The following CDC25B variants were observed in gnomAD, a reference collection of about 807,000 sequenced individuals.
CDC25B encodes the protein M-phase inducer phosphatase 2.
In CDC25B, 33 loss-of-function variants were observed where a neutral mutation model predicts 69.8. The ratio of observed to expected loss-of-function variants is 0.47; its 90% CI spans 0.36 to 0.63. The LOEUF is 0.63. Among genes scored for constraint, CDC25B ranks in the 30% least tolerant of loss-of-function variants. The pLI is 0.00. For missense variants in CDC25B, 727 were observed against 809.1 expected (o/e 0.90, Z 1.23); for synonymous variants, 341 against 314.6 (o/e 1.08, Z -0.89).
At chr20:3,798,496 A>T in intron 3 of CDC25B, 33 bp downstream of exon 3, 1 of 1,512,688 alleles carries the variant, frequency 6.6e-7, no homozygotes, top group Non-Finnish European at 9.0e-7. Flanking sequence ...ACTTCCAAGC[A>T]TTCAGCACCT....
intron 15 of CDC25B, 30 bp downstream of exon 15, chr20:3,804,710 T>C: frequency 6.3e-7 from 1 of 1,575,926 alleles, no homozygotes; most frequent in South Asian, 1.1e-5. Context: ...CCACAGTCTC[T>C]GTGTGAGGGT....
Position 3,800,274 on chromosome 20 carries a change from C to T in CDC25B, c.381-14C>T, listed in dbSNP as rs888913319. On this transcript the variant is annotated splice_polypyrimidine_tract_variant and intron_variant, in intron 3 of 15. Transcript: ENST00000245960. ...GAGGGAGCATGGGTTGCATGGGACC[C>T]TTCTCTGTCCTAGGTTTGAACAGGC... The T allele has an allele frequency of 1.2e-6, 2 of 1,613,668 alleles. No homozygotes were observed. Among genetic ancestry groups the T allele is most frequent in the African/African-American group, 1.3e-5 (1 of 74,826 alleles).
At chr20:3,793,670 A>G (rs1324211391), upstream of CDC25B, among the ~76,000 whole-genome samples, 2 of 149,458 alleles carry the variant, frequency 1.3e-5, no homozygotes, top group African/African-American at 4.9e-5. Context: ...ACATATGTAT[A>G]CATGTGCCAT....
Position 3,803,045 on chromosome 20 carries a change from G to C in CDC25B, c.1258-63G>C, listed in dbSNP as rs2089341744. The C allele has an allele frequency of 2.5e-6, 4 of 1,594,664 alleles. No homozygotes were observed. The South Asian group carries it at 4.4e-5, about 18-fold the overall frequency. On this transcript the variant is annotated intron_variant, in intron 12 of 15. Transcript: ENST00000245960. The surrounding 1 kb of genome is among the most constrained non-coding windows in gnomAD (Gnocchi z 4.9). ...CATTGTTGACCTTCCCTGGGGACAGGCTAGGGCCACCTGCCAGCTGCCAGC... is the reference window on the plus strand; with the variant it reads ...CATTGTTGACCTTCCCTGGGGACAGCCTAGGGCCACCTGCCAGCTGCCAGC...
chr20:3,804,595 G>T lies in CDC25B; in HGVS notation c.1517G>T (p.Arg506Leu). 1 of 1,613,912 alleles carries T rather than the reference G, an allele frequency of 6.2e-7. No homozygotes were observed. Among genetic ancestry groups the T allele is most frequent in the Non-Finnish European group, 8.5e-7 (1 of 1,179,820 alleles). The change falls in exon 15 of 16, where the codon CGT (arginine) becomes CTT (leucine). Residue 506 changes from arginine (R) to leucine (L), a missense_variant. Arg to Leu is a moderately radical substitution (Grantham distance 102). Around this residue, in one of 2 missense-constraint regions of CDC25B, gnomAD observed 359 missense variants for 463.4 expected, o/e 0.77. Transcript: ENST00000245960. ...RMCRFIRERD[R>L]AVNDYPSLYY... is the part of the protein sequence containing the mutation. ...TGCCGTTTCATCAGGGAACGAGACC[G>T]TGCTGTCAACGACTACCCCAGCCTC... is the stretch of plus-strand genomic sequence containing the variant.
rs748642598 is a variant in CDC25B, at chr20:3,803,217, G to T, written c.1356+11G>T. The T allele has an allele frequency of 1.9e-5, 31 of 1,601,038 alleles. No individual in the cohort carries two copies. The highest frequency in any genetic ancestry group is 2.5e-5 in the Non-Finnish European group (29 of 1,168,676). The stretch of plus-strand genomic sequence containing the variant: ...GGCGGGCACATCAAGGTAAGATGGG[G>T]CAATGGGGAGAGGCCCTGAAGATCC... On this transcript the variant is annotated intron_variant, in intron 13 of 15. Transcript: ENST00000245960. This position sits in a 1 kb window ranked among gnomAD's most constrained non-coding sequence, Gnocchi z 4.9.
intron 1 of CDC25B, among the ~76,000 whole-genome samples, chr20:3,789,406 G>A (rs12479553): frequency 0.58 from 88,785 of 151,808 alleles, 27,580 homozygotes; most frequent in African/African-American, 0.81. Context: ...GTCTCACTGT[G>A]TTGCCCAGGC....
chr20:3,790,780 G>A (rs1252782960), intron 1 of CDC25B, among the ~76,000 whole-genome samples: 4 of 151,932 alleles, frequency 2.6e-5, no homozygotes, highest in Non-Finnish European at 5.9e-5. Flanking sequence ...ATATTGGCCA[G>A]GCTGGTCTCA....
chr20:3,801,730 T>C lies in CDC25B; in HGVS notation c.849T>C (p.Asp283=). The C allele has an allele frequency of 6.2e-6, 10 of 1,601,644 alleles. No individual in the cohort carries two copies. The highest frequency in any genetic ancestry group is 8.5e-6 in the Non-Finnish European group (10 of 1,174,774). Residue 283 remains aspartate, a synonymous_variant, in exon 9 of 16, where the codon GAT becomes GAC. Transcript: ENST00000245960. ...DILESDLKDD[D]AVPPGMESLI... is the part of the protein sequence containing the mutation. ...TGCTAATCTGGCCTCAGGATGATGA[T>C]GCAGTTCCCCCAGGCATGGAGAGTC...
At chr20:3,788,663 A>G (rs2088864861) in intron 1 of CDC25B, among the ~76,000 whole-genome samples, 1 of 152,188 alleles carries the variant, frequency 6.6e-6, no homozygotes. Context: ...GTCACTGGGC[A>G]AAAATGAATC....
Position 3,797,683 on chromosome 20 carries a change from C to A in CDC25B, c.262C>A (p.Leu88Ile). ...CCGCAGCCGCAGCCGCCTGACGCAC[C>A]TATCCCTGTCTCGACGGGCATCCGA... is the stretch of plus-strand genomic sequence containing the variant. Reference protein sequence around the residue: ...LFRSRSRLTHLSLSRRASESS... With the variant: ...LFRSRSRLTHISLSRRASESS... The change falls in exon 2 of 16, where the codon CTA becomes ATA. Residue 88 changes from leucine (L) to isoleucine (I), a missense_variant. Leu to Ile is a conservative substitution (Grantham distance 5). Transcript: ENST00000245960. 6.2e-7 allele frequency: 1 copy of A among 1,614,198 alleles called. No individual in the cohort carries two copies. Among genetic ancestry groups the A allele is most frequent in the South Asian group, 1.1e-5 (1 of 91,090 alleles).
intron 3 of CDC25B, among the ~76,000 whole-genome samples, chr20:3,799,523 T>TGTGTGTGC (rs1555774239): frequency 1.8e-5 from 1 of 56,872 alleles, no homozygotes; most frequent in Non-Finnish European, 3.6e-5. Context: ...TGTGTGTGTG[T>TGTGTGTGC]GTGCGCGCGC....
chr20:3,802,350 C>T lies in CDC25B; in HGVS notation c.1168C>T (p.Arg390Ter), dbSNP rs138180783. ...EIENLLDSDH[R>*]ELIGDYSKAF... ...CGAGAACCTCCTGGACAGTGACCAC[C>T]GAGAGCTGATTGGAGATTACTCTAA... Residue 390 changes from arginine to a stop codon, truncating the protein, a stop_gained, in exon 11 of 16, where the codon CGA becomes TGA. Transcript: ENST00000245960. LOFTEE classifies it high-confidence loss of function. 5.6e-6 allele frequency: 9 copies of T among 1,607,434 alleles called. No individual in the cohort carries two copies. Among genetic ancestry groups the T allele is most frequent in the Non-Finnish European group, 7.6e-6 (9 of 1,179,670 alleles).
At chr20:3,798,670 C>G (rs1280411038) in intron 3 of CDC25B, among the ~76,000 whole-genome samples, 1 of 152,174 alleles carries the variant, frequency 6.6e-6, no homozygotes, top group Non-Finnish European at 1.5e-5. Flanking sequence ...CTCATGGGAG[C>G]CAACCGAGTG....
chr20:3,798,156 C>G (rs901977852), intron 2 of CDC25B, among the ~76,000 whole-genome samples: 4 of 152,128 alleles, frequency 2.6e-5, no homozygotes, highest in African/African-American at 9.7e-5. Flanking sequence ...AAGAAAAATG[C>G]TTAGTGAGCA....
At position 3,805,905 on chromosome 20, in the gene CDC25B, A is replaced by G. The variant is rs1006386421; in HGVS notation, c.*944A>G. 4.2e-5 allele frequency: 17 copies of G among 403,314 alleles called. No homozygotes were observed. The highest frequency in any genetic ancestry group is 7.5e-5 in the Non-Finnish European group (17 of 227,706). The allele number at this position is 403,314 out of a possible 1,614,324, so 25.0% of individuals were successfully genotyped here. On this transcript the variant is annotated 3_prime_UTR_variant, in exon 16 of 16. Coordinates refer to ENST00000245960, the MANE Select transcript of CDC25B (RefSeq NM_021873.4). ...TTTGTTGAGCATGACAGCCTGCAGC[A>G]GGAATATATGTGTGCCTATTTGTGT...
At chr20:3,787,027 T>G in exon 1 of CDC25B, 1 of 615,016 alleles carries the variant, frequency 1.6e-6, no homozygotes, top group African/African-American at 1.9e-5. Context: ...AGGGTTTTTG[T>G]TTGTTTTTTT....
At chr20:3,795,103 T>C (rs960479131), upstream of CDC25B, among the ~76,000 whole-genome samples, 1 of 152,134 alleles carries the variant, frequency 6.6e-6, no homozygotes, top group Non-Finnish European at 1.5e-5. Flanking sequence ...GGCTCGTGCG[T>C]GTAATCCCAG....
rs772664176 is a variant in CDC25B, at chr20:3,800,766, C to T, written c.483C>T (p.Pro161=). The T allele has an allele frequency of 2.4e-5, 39 of 1,610,590 alleles. No homozygotes were observed. Among genetic ancestry groups the T allele is most frequent in the African/African-American group, 2.7e-5 (2 of 74,922 alleles). Residue 161 remains proline, a synonymous_variant, in exon 6 of 16, where the codon CCC becomes CCT. Coordinates refer to ENST00000245960, the MANE Select transcript of CDC25B (RefSeq NM_021873.4). The stretch of plus-strand genomic sequence containing the variant: ...AGGTGAGGCTGCTGGGCCACAGCCC[C>T]GTGCTTCGGAACATCACCAACTCCC... The part of the protein sequence containing the change: ...SMPVRLLGHS[P]VLRNITNSQA...
Sources: gnomAD v4.1 joint callset for allele counts (sites outside exome capture counted in the v4.1 genomes callset) on GRCh38, gnomAD v4.1.1 for gene constraint, gnomAD v4.1.1 regional missense constraint, Gnocchi (gnomAD v3.1) non-coding constraint, MANE v1.5 for transcripts, NCBI Gene and HGNC (gene_info 2026-07-23, HGNC 2026-07-21) for gene names.